The following ESR1 variants were observed in gnomAD, a reference collection of about 807,000 sequenced individuals.
The protein encoded by ESR1 is estrogen receptor.
ESR1 carries 12 observed loss-of-function variants against 52.7 expected under a neutral mutation model. The ratio of observed to expected loss-of-function variants is 0.23; its 90% CI spans 0.15 to 0.37. The LOEUF is 0.37. Among genes scored for constraint, ESR1 ranks in the 10% least tolerant of loss-of-function variants. The pLI is 1.00. For missense variants in ESR1, 584 were observed against 779.7 expected, an observed-to-expected ratio of 0.75 and a Z score of 2.99; for synonymous variants, 305 against 316.8, an observed-to-expected ratio of 0.96 and a Z score of 0.39.
At chr6:151,978,149 A>G (rs895451634) in intron 4 of ESR1, among the ~76,000 whole-genome samples, 3 of 152,132 alleles carry the variant, frequency 2.0e-5, no homozygotes, top group African/African-American at 7.2e-5. Flanking sequence ...CAAAGTCAAC[A>G]GCTGAAAAAT....
intron 1 of ESR1, among the ~76,000 whole-genome samples, chr6:151,664,598 C>A (rs1291678352): frequency 6.6e-6 from 1 of 152,144 alleles, no homozygotes; most frequent in African/African-American, 2.4e-5. Context: ...GATTGAACAC[C>A]CAAACACGTT....
At chr6:151,798,185 C>G (rs1374058460) in intron 2 of ESR1, among the ~76,000 whole-genome samples, 1 of 152,072 alleles carries the variant, frequency 6.6e-6, no homozygotes, top group African/African-American at 2.4e-5. Context: ...AACACATTGG[C>G]TGGCCAGGTG....
rs1219870998 is a variant in ESR1 at position 152,011,894 on chromosome 6, T to G, written c.1235+100T>G. The G allele has an allele frequency of 3.0e-6, 4 of 1,325,176 alleles. No homozygotes were observed. In the African/African-American group the frequency reaches 5.8e-5, roughly 19 times the overall value. 82.1% of individuals were successfully genotyped at this position (1,325,176 alleles called of 1,614,324 possible). ...ATCTCTCGGTGAAGCTTCAGAGAAC[T>G]TTATTAGGTATGTTTACTTAACAAA... On this transcript the variant is annotated intron_variant, in intron 5 of 7. Coordinates refer to ENST00000206249, the MANE Select transcript of ESR1 (RefSeq NM_000125.4).
intron 4 of ESR1, among the ~76,000 whole-genome samples, chr6:152,008,933 T>C (rs1439308967): frequency 6.6e-6 from 1 of 152,150 alleles, no homozygotes; most frequent in Non-Finnish European, 1.5e-5. Context: ...TTTTAAGTAC[T>C]GATCACTTAA....
chr6:151,712,951 T>C (rs1369491175), intron 2 of ESR1, among the ~76,000 whole-genome samples: 1 of 152,218 alleles, frequency 6.6e-6, no homozygotes, highest in Non-Finnish European at 1.5e-5. Context: ...TTTTGCCCAT[T>C]CAGTATAGTA....
At chr6:151,930,139 A>G (rs1404380224) in intron 3 of ESR1, among the ~76,000 whole-genome samples, 9 of 110,942 alleles carry the variant, frequency 8.1e-5, no homozygotes, top group Admixed American at 7.8e-4. Context: ...ATGTGCCACC[A>G]TGCCCGGCTA....
chr6:152,079,938 GAGAAA>G (rs1184464246), intron 6 of ESR1, among the ~76,000 whole-genome samples: 9 of 152,162 alleles, frequency 5.9e-5, no homozygotes, highest in Admixed American at 5.2e-4. Context: ...GACAAGATGA[GAGAAA>G]AGAAGAGTGA....
At chr6:151,666,151 G>C (rs189078193) in intron 1 of ESR1, among the ~76,000 whole-genome samples, 1 of 152,226 alleles carries the variant, frequency 6.6e-6, no homozygotes, top group Non-Finnish European at 1.5e-5. Context: ...GCTGTAGAGG[G>C]GAAGAAAAGC....
chr6:152,062,516 C>T (rs1276206956), intron 6 of ESR1, among the ~76,000 whole-genome samples: 1 of 152,214 alleles, frequency 6.6e-6, no homozygotes, highest in Non-Finnish European at 1.5e-5. Flanking sequence ...AAGTGATTAC[C>T]ACTCCATTCA....
chr6:151,906,220 C>G (rs1797431697), intron 3 of ESR1, among the ~76,000 whole-genome samples: 1 of 152,118 alleles, frequency 6.6e-6, no homozygotes, highest in Non-Finnish European at 1.5e-5. Context: ...TTCTAACAAT[C>G]AACTGTATCT....
intron 2 of ESR1, among the ~76,000 whole-genome samples, chr6:151,778,411 T>TC (rs1306950081): frequency 2.0e-5 from 3 of 151,198 alleles, no homozygotes; most frequent in Non-Finnish European, 4.4e-5. Flanking sequence ...TTACAACTTT[T>TC]TTTTTTTTTT....
At position 151,708,280 on chromosome 6, in the gene ESR1, A is replaced by G. The variant is rs1310349482; in HGVS notation, c.-71+6275A>G. Among the ~76,000 whole-genome samples the G allele has an allele frequency of 4.6e-5, 7 of 152,312 alleles. No homozygotes were observed. The East Asian group carries it at 1.3e-3, about 29-fold the overall frequency. ...CTATCTCATTCTTTTCAGTAGTTGC[A>G]TGCAGTATAAATTTACTATAACTTA... On this transcript the variant is annotated intron_variant, in intron 2 of 2. Coordinates refer to the ESR1 transcript ENST00000404742.
chr6:152,117,040 C>G (rs1275210047), intron 6 of ESR1, among the ~76,000 whole-genome samples: 1 of 152,138 alleles, frequency 6.6e-6, no homozygotes, highest in Non-Finnish European at 1.5e-5. Context: ...GAAGCCCAGC[C>G]CTAGGGCTGA....
intron 2 of ESR1, among the ~76,000 whole-genome samples, chr6:151,758,800 G>C (rs1212695920): frequency 6.6e-6 from 1 of 151,574 alleles, no homozygotes; most frequent in African/African-American, 2.4e-5. Flanking sequence ...GAAGCTGGGG[G>C]TGAGGACAGG....
chr6:151,833,002 A>G (rs1303813102), intron 1 of ESR1, among the ~76,000 whole-genome samples: 1 of 152,354 alleles, frequency 6.6e-6, no homozygotes, highest in African/African-American at 2.4e-5. Flanking sequence ...AGTTCTATAC[A>G]TGATGCTCTG....
intron 5 of ESR1, among the ~76,000 whole-genome samples, chr6:152,022,257 A>G (rs1327204567): frequency 6.6e-6 from 1 of 152,158 alleles, no homozygotes; most frequent in Middle Eastern, 3.2e-3. Flanking sequence ...GGAAAGGAAG[A>G]TTTCCAGATT....
At chr6:151,893,350 A>G (rs905492842) in intron 3 of ESR1, among the ~76,000 whole-genome samples, 3 of 152,184 alleles carry the variant, frequency 2.0e-5, no homozygotes, top group Non-Finnish European at 2.9e-5. Context: ...CTCCATCTCA[A>G]AAAAAGAAAA....
chr6:151,967,186 TC>T (rs1313420303), intron 4 of ESR1, among the ~76,000 whole-genome samples: 2 of 152,176 alleles, frequency 1.3e-5, no homozygotes, highest in Non-Finnish European at 2.9e-5. Context: ...CAGAATGATC[TC>T]TTTTTTTTAA....
chr6:151,859,736 A>G (rs954178798), intron 2 of ESR1, among the ~76,000 whole-genome samples: 1 of 152,198 alleles, frequency 6.6e-6, no homozygotes, highest in Admixed American at 6.5e-5. Flanking sequence ...GCTTTGGGAC[A>G]CACCTCTGGA....
Sources: gnomAD v4.1 joint callset for allele counts (sites outside exome capture counted in the v4.1 genomes callset) on GRCh38, gnomAD v4.1.1 for gene constraint, MANE v1.5 for transcripts, NCBI Gene and HGNC (gene_info 2026-07-23, HGNC 2026-07-21) for gene names.